Variants in SYNPR observed in about 807,000 individuals in gnomAD.
SYNPR encodes the protein synaptoporin.
In SYNPR, 23 loss-of-function variants were observed where a neutral mutation model predicts 32.9. That is an observed-to-expected ratio of 0.70 (90% CI 0.50 to 0.99). The LOEUF (loss-of-function observed/expected upper bound fraction) is 0.99. Ranked by LOEUF, SYNPR falls within the 50% of genes least tolerant of loss-of-function variation. The pLI is 0.00. For synonymous variants in SYNPR, 146 were observed against 135.9 expected, an observed-to-expected ratio of 1.07 and a Z score of -0.52; for missense variants, 318 against 349.3, an observed-to-expected ratio of 0.91 and a Z score of 0.71.
At chr3:63,589,485 G>T (rs192644941) in intron 4 of SYNPR, among the ~76,000 whole-genome samples, 1 of 151,846 alleles carries the variant, frequency 6.6e-6, no homozygotes, top group Admixed American at 6.6e-5. Flanking sequence ...CCCCAAAGCC[G>T]GGCAGAGACA....
chr3:63,346,192 A>T (rs2087434467), intron 2 of SYNPR, among the ~76,000 whole-genome samples: 2 of 152,164 alleles, frequency 1.3e-5, no homozygotes, highest in African/African-American at 4.8e-5. Context: ...CATCTAACAC[A>T]GTTTTAAAAG....
At chr3:63,311,555 AAC>A (rs1174952246) in intron 2 of SYNPR, among the ~76,000 whole-genome samples, 2 of 151,874 alleles carry the variant, frequency 1.3e-5, no homozygotes, top group Non-Finnish European at 2.9e-5. Flanking sequence ...TCTGAGGTGG[AAC>A]AGTCTCATCT....
chr3:63,440,060 T>C (rs938966324), intron 2 of SYNPR, among the ~76,000 whole-genome samples: 1 of 152,146 alleles, frequency 6.6e-6, no homozygotes, highest in Non-Finnish European at 1.5e-5. Flanking sequence ...CAAGAAGGTA[T>C]CAGGCAATAA....
intron 2 of SYNPR, among the ~76,000 whole-genome samples, chr3:63,293,635 C>T (rs1392826659): frequency 6.6e-6 from 1 of 152,110 alleles, no homozygotes; most frequent in Non-Finnish European, 1.5e-5. Flanking sequence ...GATTAAAGTG[C>T]CAGCAAGGTT....
intron 2 of SYNPR, among the ~76,000 whole-genome samples, chr3:63,293,310 T>G (rs1307809739): frequency 6.7e-6 from 1 of 149,508 alleles, no homozygotes; most frequent in Non-Finnish European, 1.5e-5. Context: ...ATATTTGTCT[T>G]TGGGGTGGAG....
At chr3:63,533,718 G>C (rs866371986) in intron 3 of SYNPR, among the ~76,000 whole-genome samples, 4 of 152,100 alleles carry the variant, frequency 2.6e-5, no homozygotes, top group African/African-American at 9.7e-5. Flanking sequence ...ATTGTTATAG[G>C]CATGATTCAA....
At chr3:63,323,570 G>A (rs2087133992) in intron 2 of SYNPR, among the ~76,000 whole-genome samples, 1 of 151,772 alleles carries the variant, frequency 6.6e-6, no homozygotes, top group Admixed American at 6.6e-5. Flanking sequence ...ATTGTTTTTT[G>A]CTGAGACATG....
intron 2 of SYNPR, among the ~76,000 whole-genome samples, chr3:63,445,239 T>A (rs1409725397): frequency 1.3e-5 from 2 of 152,210 alleles, no homozygotes; most frequent in Admixed American, 6.5e-5. Context: ...CAGCATGCAT[T>A]CTGCATGTGA....
intron 4 of SYNPR, among the ~76,000 whole-genome samples, chr3:63,564,538 G>A (rs58570446): frequency 0.44 from 66,368 of 151,624 alleles, 15,355 homozygotes; most frequent in African/African-American, 0.59. Context: ...CACTCTCTGA[G>A]ATAAGAAGTG....
At chr3:63,370,631 G>A (rs1185163444) in intron 2 of SYNPR, among the ~76,000 whole-genome samples, 7 of 152,162 alleles carry the variant, frequency 4.6e-5, no homozygotes, top group Non-Finnish European at 8.8e-5. Flanking sequence ...GGCATAGCTG[G>A]AAATTTTTAG....
At chr3:63,396,339 G>A (rs2088212532) in intron 2 of SYNPR, among the ~76,000 whole-genome samples, 1 of 152,152 alleles carries the variant, frequency 6.6e-6, no homozygotes, top group African/African-American at 2.4e-5. Context: ...AATGAGTTTT[G>A]TAGAAGTGAA....
intron 2 of SYNPR, among the ~76,000 whole-genome samples, chr3:63,382,308 C>G (rs1258621374): frequency 6.6e-6 from 1 of 152,180 alleles, no homozygotes; most frequent in East Asian, 1.9e-4. Flanking sequence ...ACTCACCCTT[C>G]TCTGACACCA....
At chr3:63,292,354 T>C (rs1218521002) in intron 2 of SYNPR, among the ~76,000 whole-genome samples, 1 of 152,228 alleles carries the variant, frequency 6.6e-6, no homozygotes, top group African/African-American at 2.4e-5. Context: ...CACTTGTTTG[T>C]GTTGGGAACA....
intron 2 of SYNPR, among the ~76,000 whole-genome samples, chr3:63,470,977 C>A (rs1160324596): frequency 6.6e-6 from 1 of 152,164 alleles, no homozygotes; most frequent in Non-Finnish European, 1.5e-5. Context: ...GTGGTGCAGT[C>A]CCCAGACTAG....
intron 4 of SYNPR, among the ~76,000 whole-genome samples, chr3:63,567,754 T>A (rs1263946266): frequency 6.6e-6 from 1 of 152,190 alleles, no homozygotes; most frequent in African/African-American, 2.4e-5. Flanking sequence ...CAGGTAAAAC[T>A]GATCTGAATC....
At chr3:63,223,727 G>A (rs904740630), upstream of SYNPR, among the ~76,000 whole-genome samples, 2 of 152,100 alleles carry the variant, frequency 1.3e-5, no homozygotes, top group African/African-American at 2.4e-5. Flanking sequence ...TAGTTAAAAG[G>A]ACTGCCCCCC....
chr3:63,282,166 A>T (rs2086636420), intron 2 of SYNPR, among the ~76,000 whole-genome samples: 1 of 152,246 alleles, frequency 6.6e-6, no homozygotes, highest in Admixed American at 6.5e-5. Flanking sequence ...TCATTAGTTG[A>T]AGTGAGTTTT....
chr3:63,496,026 CAG>C (rs1219546122), intron 3 of SYNPR, among the ~76,000 whole-genome samples: 1 of 152,014 alleles, frequency 6.6e-6, no homozygotes, highest in Admixed American at 6.6e-5. Flanking sequence ...ATGTCAATAA[CAG>C]GGGAGACTGT....
chr3:63,211,356 C>A, the SYNPR span, among the ~76,000 whole-genome samples: 5 of 152,270 alleles, frequency 3.3e-5, no homozygotes, highest in East Asian at 1.9e-4. Flanking sequence ...CATGAGCCAC[C>A]GTGCCCGGCC....
Sources: gnomAD v4.1 joint callset for allele counts (sites outside exome capture counted in the v4.1 genomes callset) on GRCh38, gnomAD v4.1.1 for gene constraint, MANE v1.5 for transcripts, NCBI Gene and HGNC (gene_info 2026-07-23, HGNC 2026-07-21) for gene names.